The following EPHA3 variants were observed in gnomAD, a reference collection of about 807,000 sequenced individuals.
The protein encoded by EPHA3 is ephrin type-A receptor 3.
A neutral mutation model predicts 107.1 loss-of-function variants in EPHA3; 42 were observed. The observed-to-expected ratio is 0.39, with a 90% CI of 0.31 to 0.51. The LOEUF is 0.51. EPHA3 is among the 20% of genes least tolerant of loss of function. EPHA3 has a pLI of 0.78. For missense variants in EPHA3, 1,183 were observed against 1,211.2 expected (o/e 0.98, Z 0.35); for synonymous variants, 461 against 424.8 (o/e 1.09, Z -1.05).
At chr3:89,386,542 A>C (rs2107492353) in intron 5 of EPHA3, among the ~76,000 whole-genome samples, 1 of 152,360 alleles carries the variant, frequency 6.6e-6, no homozygotes, top group African/African-American at 2.4e-5. Flanking sequence ...CTGGATGTCC[A>C]GTCAGAAGTT....
chr3:89,375,268 C>G (rs928408476), intron 5 of EPHA3, among the ~76,000 whole-genome samples: 8 of 151,654 alleles, frequency 5.3e-5, no homozygotes, highest in Non-Finnish European at 8.8e-5. Flanking sequence ...ACCAATATTC[C>G]TAAGTATTTA....
At position 89,431,269 on chromosome 3, in the gene EPHA3, C is replaced by A. The variant is rs1380535477; in HGVS notation, c.2256C>A (p.Ile752=). ...ACCGAGACCTCGCTGCTCGGAACATCTTGATCAACAGTAACTTGGTGTGTA... is the reference window on the plus strand; with the variant it reads ...ACCGAGACCTCGCTGCTCGGAACATATTGATCAACAGTAACTTGGTGTGTA... The part of the protein sequence containing the change: ...YVHRDLAARN[I]LINSNLVCKV... Residue 752 remains isoleucine (I), a synonymous_variant, in exon 13 of 17, where the codon ATC becomes ATA. Coordinates refer to ENST00000336596, the MANE Select transcript of EPHA3 (RefSeq NM_005233.6). 6.2e-7 allele frequency: 1 copy of A among 1,613,820 alleles called. No homozygotes were observed. The highest frequency in any genetic ancestry group is 2.2e-5 in the East Asian group (1 of 44,850).
chr3:89,477,257 A>G (rs1355053626), intron 16 of EPHA3, among the ~76,000 whole-genome samples: 1 of 152,102 alleles, frequency 6.6e-6, no homozygotes, highest in Non-Finnish European at 1.5e-5. Flanking sequence ...TCACATTCCC[A>G]TACATCCCCA....
At chr3:89,357,419 AAATT>A (rs1707990509) in intron 5 of EPHA3, among the ~76,000 whole-genome samples, 1 of 151,022 alleles carries the variant, frequency 6.6e-6, no homozygotes, top group Non-Finnish European at 1.5e-5. Context: ...GATGACCCCA[AAATT>A]AATTGTGCAT....
chr3:89,253,995 A>G (rs1705221559), intron 3 of EPHA3, among the ~76,000 whole-genome samples: 2 of 152,220 alleles, frequency 1.3e-5, no homozygotes, highest in South Asian at 4.1e-4. Flanking sequence ...GAAGCCTCAT[A>G]AATATATCAA....
intron 5 of EPHA3, among the ~76,000 whole-genome samples, chr3:89,384,909 A>G (rs1708586130): frequency 6.6e-6 from 1 of 152,208 alleles, no homozygotes; most frequent in Non-Finnish European, 1.5e-5. Context: ...GATGTATTAT[A>G]TGTACTCACA....
At chr3:89,232,220 G>A (rs1047684436) in intron 3 of EPHA3, among the ~76,000 whole-genome samples, 1 of 151,926 alleles carries the variant, frequency 6.6e-6, no homozygotes, top group African/African-American at 2.4e-5. Context: ...ATTCCTTAAG[G>A]AATTTTAATT....
chr3:89,389,233 A>G (rs1317184310), intron 5 of EPHA3, among the ~76,000 whole-genome samples: 1 of 152,210 alleles, frequency 6.6e-6, no homozygotes, highest in Non-Finnish European at 1.5e-5. Context: ...ATTATGCTAA[A>G]TCAAACCCAA....
chr3:89,219,686 A>ATG lies in EPHA3; in HGVS notation c.814+9168_814+9169dup, dbSNP rs746458955. Among the ~76,000 whole-genome samples, 269 of 38,816 alleles carry ATG rather than the reference A, an allele frequency of 6.9e-3. 48 individuals are homozygous for ATG. The highest frequency in any genetic ancestry group is 0.013 in the Non-Finnish European group (210 of 15,748). The allele number at this position is 38,816 out of a possible 152,430, so 25.5% of individuals were successfully genotyped here. On this transcript the variant is annotated intron_variant, in intron 3 of 16. Coordinates refer to ENST00000336596, the MANE Select transcript of EPHA3 (RefSeq NM_005233.6). ...TGTTACCTCCAAGAGGCATTTGGCAATGTTTTTTTTTTTTTTGTTTTTTGT... is the reference window on the plus strand; with the variant it reads ...TGTTACCTCCAAGAGGCATTTGGCAATGTGTTTTTTTTTTTTTTGTTTTTTGT...
At chr3:89,271,847 G>A (rs371161686) in intron 3 of EPHA3, among the ~76,000 whole-genome samples, 12 of 151,884 alleles carry the variant, frequency 7.9e-5, no homozygotes, top group African/African-American at 2.4e-4. Flanking sequence ...TGAACTTCAC[G>A]GTTTCACTTA....
chr3:89,310,028 G>A (rs1706726341), intron 3 of EPHA3, among the ~76,000 whole-genome samples: 1 of 152,008 alleles, frequency 6.6e-6, no homozygotes, highest in Non-Finnish European at 1.5e-5. Flanking sequence ...TCAGGTCTCT[G>A]ATGGAAAACT....
intron 5 of EPHA3, among the ~76,000 whole-genome samples, chr3:89,387,679 T>A (rs1708648530): frequency 6.7e-6 from 1 of 148,894 alleles, no homozygotes; most frequent in South Asian, 2.1e-4. Flanking sequence ...CTGGGAGATA[T>A]TAAAAAGAAG....
intron 5 of EPHA3, among the ~76,000 whole-genome samples, chr3:89,383,281 A>G (rs1708546816): frequency 6.6e-6 from 1 of 151,986 alleles, no homozygotes; most frequent in South Asian, 2.1e-4. Flanking sequence ...ACTCCTTTCT[A>G]TCCTATGCTT....
At chr3:89,286,987 A>C (rs530270617) in intron 3 of EPHA3, among the ~76,000 whole-genome samples, 4 of 152,220 alleles carry the variant, frequency 2.6e-5, no homozygotes, top group Admixed American at 1.3e-4. Context: ...TTTTGCCTCC[A>C]CTGGAATGTA....
intron 15 of EPHA3, among the ~76,000 whole-genome samples, chr3:89,452,045 A>C (rs979055674): frequency 6.6e-6 from 1 of 152,184 alleles, no homozygotes; most frequent in Admixed American, 6.5e-5. Context: ...AATGCCCCTG[A>C]AATCCACAGG....
At chr3:89,247,935 T>G (rs1266985393) in intron 3 of EPHA3, among the ~76,000 whole-genome samples, 1 of 152,106 alleles carries the variant, frequency 6.6e-6, no homozygotes, top group Non-Finnish European at 1.5e-5. Flanking sequence ...TTAAAAGAAT[T>G]TTCACTTCCT....
intron 2 of EPHA3, among the ~76,000 whole-genome samples, chr3:89,167,258 C>G (rs1705093576): frequency 6.6e-6 from 1 of 152,142 alleles, no homozygotes; most frequent in Non-Finnish European, 1.5e-5. Context: ...GATAAAAGTA[C>G]ATAACATTCA....
intron 3 of EPHA3, among the ~76,000 whole-genome samples, chr3:89,215,442 C>A (rs1704200362): frequency 6.6e-6 from 1 of 151,732 alleles, no homozygotes. Flanking sequence ...TAAATTTAAA[C>A]CATGGATTTG....
chr3:89,242,346 GT>G (rs1704917623), intron 3 of EPHA3, among the ~76,000 whole-genome samples: 1 of 152,190 alleles, frequency 6.6e-6, no homozygotes, highest in South Asian at 2.1e-4. Context: ...TAGAATGACT[GT>G]AAGTTTCAGT....
Sources: allele counts gnomAD v4.1 joint callset (sites outside exome capture counted in the v4.1 genomes callset), GRCh38; gene constraint gnomAD v4.1.1; transcripts MANE v1.5; gene names NCBI Gene and HGNC (gene_info 2026-07-23, HGNC 2026-07-21).